Variants in SPP2 observed in about 807,000 individuals in gnomAD.
The protein encoded by SPP2 is secreted phosphoprotein 24.
A neutral mutation model predicts 28.8 loss-of-function variants in SPP2; 34 were observed. The ratio of observed to expected loss-of-function variants is 1.18; its 90% CI spans 0.90 to 1.57. SPP2 has a LOEUF of 1.57. SPP2 is among the 40% of genes most tolerant of loss of function. The pLI is 0.00. For synonymous variants in SPP2, 96 were observed against 89.4 expected (o/e 1.07, Z -0.42); for missense variants, 269 against 263.9 (o/e 1.02, Z -0.13).
At chr2:234,073,482 C>G (rs1690835733) in intron 7 of SPP2, among the ~76,000 whole-genome samples, 1 of 152,124 alleles carries the variant, frequency 6.6e-6, no homozygotes, top group Non-Finnish European at 1.5e-5. Context: ...GAGCCCTAAA[C>G]ACTGTTCTAG....
chr2:234,067,100 A>G (rs762176339), intron 5 of SPP2, 124 bp from the exon 6 acceptor site: 61 of 954,710 alleles, frequency 6.4e-5, no homozygotes, highest in Non-Finnish European at 9.9e-5. Context: ...CGGCAATAAA[A>G]CTCAATGGTG....
At chr2:234,070,929 A>G (rs1482750192) in intron 7 of SPP2, among the ~76,000 whole-genome samples, 1 of 152,148 alleles carries the variant, frequency 6.6e-6, no homozygotes, top group Non-Finnish European at 1.5e-5. Context: ...GTCTGGATCC[A>G]GGCCTTTATA....
At position 234,070,336 on chromosome 2, in the gene SPP2, C is replaced by T. The variant is rs78315772; in HGVS notation, c.*10+313C>T. Among the ~76,000 whole-genome samples, 548 of 152,342 alleles carry T rather than the reference C, an allele frequency of 3.6e-3. 5 individuals carry two copies. Among genetic ancestry groups the T allele is most frequent in the African/African-American group, 0.013 (522 of 41,580 alleles). On this transcript the variant is annotated intron_variant, in intron 7 of 7. Coordinates refer to ENST00000168148, the MANE Select transcript of SPP2 (RefSeq NM_006944.3). ...TCCATCTAAGCAACTGCCTTCCCTC[C>T]GTCCTTCCTTCCTTGCTAAACTTTT...
At chr2:234,064,784 A>G (rs1265210609) in intron 4 of SPP2, among the ~76,000 whole-genome samples, 1 of 152,162 alleles carries the variant, frequency 6.6e-6, no homozygotes, top group Non-Finnish European at 1.5e-5. Context: ...CATTCTGATC[A>G]TTTCATACAA....
In SPP2 at chr2:234,060,370, C is replaced by G; in HGVS notation, c.335C>G (p.Ser112Cys). The G allele has an allele frequency of 6.2e-7, 1 of 1,613,194 alleles. No individual in the cohort carries two copies. The highest frequency in any genetic ancestry group is 8.5e-7 in the Non-Finnish European group (1 of 1,179,268). The change falls in exon 4 of 8, where the codon TCC becomes TGC. Residue 112 changes from serine (S) to cysteine (C), a missense_variant and splice_region_variant. Ser to Cys is a moderately radical substitution (Grantham distance 112). Transcript: ENST00000168148. ...AACTCACCCCTTTGTCTTTTCCAGTCCACAGCTGTTTGCAGAAGCACCGTG... is the reference window on the plus strand; with the variant it reads ...AACTCACCCCTTTGTCTTTTCCAGTGCACAGCTGTTTGCAGAAGCACCGTG... ...TCAFQRDYYV[S>C]TAVCRSTVKV...
chr2:234,066,627 AT>A, intron 5 of SPP2, 40 bp downstream of exon 5: 1 of 1,463,490 alleles, frequency 6.8e-7, no homozygotes, highest in Non-Finnish European at 9.5e-7. Flanking sequence ...TTTTCTTAAA[AT>A]AACTCCATAT....
chr2:234,066,686 T>G, intron 5 of SPP2, 99 bp downstream of exon 5: 1 of 908,888 alleles, frequency 1.1e-6, no homozygotes, highest in South Asian at 1.5e-5. Flanking sequence ...TACATATGTA[T>G]GTAATCTTGC....
rs781164889 is a variant in SPP2 at position 234,051,071 on chromosome 2, G to A, written c.186G>A (p.Arg62=). Residue 62 remains arginine (R), a synonymous_variant, in exon 2 of 8, where the codon CGG becomes CGA. Transcript: ENST00000168148. ...AGTCACTGAGTCCGTATCTGTTTCGGGCATTCAGAAGCTCATTAAAAAGAG... is the reference window on the plus strand; with the variant it reads ...AGTCACTGAGTCCGTATCTGTTTCGAGCATTCAGAAGCTCATTAAAAAGAG... ...NSQSLSPYLF[R]AFRSSLKRVE... is the part of the protein sequence containing the mutation. 1 of 1,613,806 alleles carries A rather than the reference G, an allele frequency of 6.2e-7. No individual in the cohort carries two copies.
intron 2 of SPP2, among the ~76,000 whole-genome samples, chr2:234,058,309 C>T (rs1205845800): frequency 6.6e-6 from 1 of 152,068 alleles, no homozygotes; most frequent in Admixed American, 6.5e-5. Context: ...GCAAAAAAAG[C>T]CACGAAATAG....
At chr2:234,054,808 T>C (rs1287369561) in intron 2 of SPP2, among the ~76,000 whole-genome samples, 1 of 152,068 alleles carries the variant, frequency 6.6e-6, no homozygotes, top group African/African-American at 2.4e-5. Flanking sequence ...CATGGTGAGA[T>C]GCTGGTGTGG....
At position 234,063,280 on chromosome 2, in the gene SPP2, A is replaced by T. The variant is rs369177483; in HGVS notation, c.444+2801A>T. ...AGAAATAAAACTGAAAAAAACTCCCAGAGTAATAAAAATAAAGATCACTTG... is the reference window on the plus strand; with the variant it reads ...AGAAATAAAACTGAAAAAAACTCCCTGAGTAATAAAAATAAAGATCACTTG... On this transcript the variant is annotated intron_variant, in intron 4 of 7. Transcript: ENST00000168148. Among the ~76,000 whole-genome samples the T allele has an allele frequency of 4.6e-5, 7 of 152,258 alleles. No homozygotes were observed. In the East Asian group the frequency reaches 1.3e-3, roughly 29 times the overall value.
rs1690724520 is a variant in SPP2, at chr2:234,070,154, C to T, written c.*10+131C>T. On this transcript the variant is annotated intron_variant, in intron 7 of 7. Coordinates refer to ENST00000168148, the MANE Select transcript of SPP2 (RefSeq NM_006944.3). ...CCTTGCTTTTCGGCTTCTCTGACCTCCTTCCCAAGACTTCTCCTCAATTGC... is the reference window on the plus strand; with the variant it reads ...CCTTGCTTTTCGGCTTCTCTGACCTTCTTCCCAAGACTTCTCCTCAATTGC... 6 of 637,306 alleles carry T rather than the reference C, an allele frequency of 9.4e-6. No individual in the cohort carries two copies. The South Asian group carries it at 1.0e-4, about 11-fold the overall frequency. The allele number at this position is 637,306 out of a possible 1,614,324, so 39.5% of individuals were successfully genotyped here. A position where few individuals can be genotyped will look rare whatever the true frequency, so the allele number is the denominator to read the frequency against.
chr2:234,067,904 A>AAG (rs1220265329), intron 6 of SPP2, among the ~76,000 whole-genome samples: 2 of 151,484 alleles, frequency 1.3e-5, no homozygotes, highest in African/African-American at 4.8e-5. Context: ...AAGTAGCATG[A>AAG]ACTCTAATAT....
At position 234,065,997 on chromosome 2, in the gene SPP2, C is replaced by A. The variant is rs114115008; in HGVS notation, c.445-536C>A. Among the ~76,000 whole-genome samples the A allele has an allele frequency of 6.1e-3, 921 of 152,212 alleles. 12 individuals carry two copies. The highest frequency in any genetic ancestry group is 0.021 in the African/African-American group (868 of 41,502). ...TCTTGGTATGTGTCCCTTCCCAGTC[C>A]AACTACTGTGATGGAGGCCAAGAAA... On this transcript the variant is annotated intron_variant, in intron 4 of 7. Transcript: ENST00000168148.
In SPP2 at chr2:234,051,082, G is replaced by A. The variant is rs536799951; in HGVS notation, c.197G>A (p.Ser66Asn). 5 of 1,613,780 alleles carry A rather than the reference G, an allele frequency of 3.1e-6. No individual in the cohort carries two copies. Among genetic ancestry groups the A allele is most frequent in the East Asian group, 4.5e-5 (2 of 44,864 alleles). The change falls in exon 2 of 8, where the codon AGC (serine) becomes AAC (asparagine). Residue 66 changes from serine to asparagine, a missense_variant. Ser to Asn is a conservative substitution (Grantham distance 46). Transcript: ENST00000168148. ...LSPYLFRAFR[S>N]SLKRVEVLDE... ...CCGTATCTGTTTCGGGCATTCAGAA[G>A]CTCATTAAAAAGAGTAAGTGCAAAA... is the stretch of plus-strand genomic sequence containing the variant.
chr2:234,069,973 A>G lies in SPP2; in HGVS notation c.596A>G (p.Asn199Ser). The part of the protein sequence containing the change: ...VLPPGNRRYP[N>S]HRHRARINTD... ...CCTCCTGGAAACAGAAGGTACCCAA[A>G]CCACCGGCACAGAGCAAGAATAAAT... The change falls in exon 7 of 8, where the codon AAC becomes AGC. Residue 199 changes from asparagine (N) to serine (S), a missense_variant. Physicochemically the swap from Asn to Ser is conservative, Grantham distance 46 (BLOSUM62 1). Coordinates refer to ENST00000168148, the MANE Select transcript of SPP2 (RefSeq NM_006944.3). 1 of 1,613,692 alleles carries G rather than the reference A, an allele frequency of 6.2e-7. No homozygotes were observed. The highest frequency in any genetic ancestry group is 8.5e-7 in the Non-Finnish European group (1 of 1,179,688).
At chr2:234,055,962 C>A (rs1693599223) in intron 2 of SPP2, 1 of 151,908 alleles carries the variant, frequency 6.6e-6, no homozygotes, top group Non-Finnish European at 1.5e-5. Context: ...AGGTTTGTTA[C>A]ATATATATAC....
intron 6 of SPP2, among the ~76,000 whole-genome samples, chr2:234,069,053 A>C (rs1015906633): frequency 1.2e-4 from 19 of 152,196 alleles, no homozygotes; most frequent in African/African-American, 4.6e-4. Context: ...GCCCACTCAC[A>C]TGTTGTTGGG....
chr2:234,064,709 T>C (rs1159653042), intron 4 of SPP2, among the ~76,000 whole-genome samples: 1 of 152,174 alleles, frequency 6.6e-6, no homozygotes, highest in Non-Finnish European at 1.5e-5. Context: ...ACAGTTGTTC[T>C]CTATTCCTCA....
Sources: allele counts gnomAD v4.1 joint callset (sites outside exome capture counted in the v4.1 genomes callset), GRCh38; gene constraint gnomAD v4.1.1; transcripts MANE v1.5; gene names NCBI Gene and HGNC (gene_info 2026-07-23, HGNC 2026-07-21).